The following RBFOX3 variants were observed in gnomAD, a reference collection of about 807,000 sequenced individuals.
RBFOX3 encodes the protein RNA binding fox-1 homolog 3, also known as RNA binding protein fox-1 homolog 3.
Under a neutral mutation model 48.7 loss-of-function variants are expected in RBFOX3, and 17 were observed. That is an observed-to-expected ratio of 0.35 (90% CI 0.24 to 0.52). The LOEUF is 0.52. RBFOX3 is among the 20% of genes least tolerant of loss of function. The probability of loss-of-function intolerance (pLI) is 0.94; values close to 1 mark genes in which losing one functional copy is unlikely to be tolerated. For missense variants in RBFOX3, 382 were observed against 497.5 expected (o/e 0.77, Z 2.21); for synonymous variants, 212 against 209.5 (o/e 1.01, Z -0.10).
chr17:79,600,819 G>A (rs2145337224), intron 1 of RBFOX3: 1 of 152,362 alleles, frequency 6.6e-6, no homozygotes, highest in East Asian at 1.9e-4. Context: ...CCATCAAGCA[G>A]GGCAGGGAGG....
In RBFOX3 at chr17:79,362,941, T is replaced by C. The variant is rs1164592517; in HGVS notation, c.-174-55117A>G. On this transcript the variant is annotated intron_variant, in intron 2 of 14. Coordinates refer to ENST00000693108, the MANE Select transcript of RBFOX3 (RefSeq NM_001350451.2). The surrounding 1 kb of genome is among the most constrained non-coding windows in gnomAD (Gnocchi z 4.2). Reference sequence around the variant, plus strand: ...AATCTATATCCCCAAATGCTGGTGATGTCCTGTCCTGAGTCCAGGACCCCT... The same window carrying C: ...AATCTATATCCCCAAATGCTGGTGACGTCCTGTCCTGAGTCCAGGACCCCT... Among the ~76,000 whole-genome samples the C allele has an allele frequency of 2.0e-5, 3 of 152,226 alleles. No homozygotes were observed. The highest frequency in any genetic ancestry group is 1.9e-4 in the East Asian group (1 of 5,196).
rs946024740 is a variant in RBFOX3, at chr17:79,104,184, G to C, written c.361-58C>G. 18 of 1,373,298 alleles carry C rather than the reference G, an allele frequency of 1.3e-5. No individual in the cohort carries two copies. In the African/African-American group the frequency reaches 1.9e-4, roughly 14 times the overall value. The allele number at this position is 1,373,298 out of a possible 1,614,324, so 85.1% of individuals were successfully genotyped here. A position where few individuals can be genotyped will look rare whatever the true frequency, so the allele number is the denominator to read the frequency against. ...AGACAGGAAAGTGCGGGTTAAGACTGCTGGCCCAGCTGCCCGCTCCACTCC... is the reference window on the plus strand; with the variant it reads ...AGACAGGAAAGTGCGGGTTAAGACTCCTGGCCCAGCTGCCCGCTCCACTCC... On this transcript the variant is annotated intron_variant, in intron 6 of 14. Coordinates refer to ENST00000693108, the MANE Select transcript of RBFOX3 (RefSeq NM_001350451.2).
the RBFOX3 span, among the ~76,000 whole-genome samples, chr17:79,652,340 G>T: frequency 6.6e-6 from 1 of 151,962 alleles, no homozygotes; most frequent in South Asian, 2.1e-4. Context: ...GTCAATAGAA[G>T]TGTTAGAAAA....
chr17:79,530,562 C>T (rs1157472912), intron 1 of RBFOX3, among the ~76,000 whole-genome samples: 2 of 152,160 alleles, frequency 1.3e-5, no homozygotes, highest in African/African-American at 4.8e-5. Flanking sequence ...AGAGGCAGCC[C>T]AGCCCTGCAA....
chr17:79,385,535 G>A (rs976274178), intron 2 of RBFOX3, among the ~76,000 whole-genome samples: 2 of 152,190 alleles, frequency 1.3e-5, no homozygotes, highest in Admixed American at 6.5e-5. Context: ...GCTGCTGGCT[G>A]AGCCTGGTCC....
intron 2 of RBFOX3, among the ~76,000 whole-genome samples, chr17:79,439,828 C>T (rs560876849): frequency 1.2e-4 from 18 of 152,376 alleles, no homozygotes; most frequent in African/African-American, 4.1e-4. Flanking sequence ...GGGAGAGGCA[C>T]AAGCCAACAC....
intron 4 of RBFOX3, among the ~76,000 whole-genome samples, chr17:79,166,252 A>AC (rs11384105): frequency 0.34 from 51,062 of 151,486 alleles, 9,368 homozygotes; most frequent in East Asian, 0.51. Flanking sequence ...TCCCTCCTGC[A>AC]CCCCCCAGCG....
intron 3 of RBFOX3, among the ~76,000 whole-genome samples, chr17:79,237,398 T>G (rs564867772): frequency 6.6e-6 from 1 of 152,016 alleles, no homozygotes; most frequent in Admixed American, 6.6e-5. Context: ...CACTTCTTAC[T>G]CTTCCCATTC....
chr17:79,091,922 C>A, intron 14 of RBFOX3: 1 of 976,340 alleles, frequency 1.0e-6, no homozygotes, highest in Non-Finnish European at 1.2e-6. Context: ...CCACGCGACA[C>A]GCTTGTGACT....
At chr17:79,177,096 G>A (rs567098689) in intron 4 of RBFOX3, among the ~76,000 whole-genome samples, 1 of 152,280 alleles carries the variant, frequency 6.6e-6, no homozygotes, top group East Asian at 1.9e-4. Flanking sequence ...CTGCCCATGG[G>A]ACTGTCTGTC....
chr17:79,378,045 T>C (rs530619971), intron 2 of RBFOX3, among the ~76,000 whole-genome samples: 1 of 152,328 alleles, frequency 6.6e-6, no homozygotes, highest in African/African-American at 2.4e-5. Context: ...ATAATATTTC[T>C]TTATGGAGGA....
chr17:79,202,915 C>G (rs2056976475), intron 4 of RBFOX3, among the ~76,000 whole-genome samples: 2 of 152,174 alleles, frequency 1.3e-5, no homozygotes, highest in Non-Finnish European at 2.9e-5. Flanking sequence ...ATACATGGAG[C>G]CCCGAGGGGC....
At chr17:79,374,050 A>C (rs1185190258) in intron 2 of RBFOX3, among the ~76,000 whole-genome samples, 1 of 151,956 alleles carries the variant, frequency 6.6e-6, no homozygotes, top group Non-Finnish European at 1.5e-5. Context: ...TTTAGTAGAG[A>C]CGGGGTTTCG....
chr17:79,567,701 C>T (rs1407262960), intron 1 of RBFOX3, among the ~76,000 whole-genome samples: 1 of 152,138 alleles, frequency 6.6e-6, no homozygotes, highest in Non-Finnish European at 1.5e-5. Flanking sequence ...ACTCCTTGTC[C>T]GTACCTCTTA....
chr17:79,652,585 AGGAGAGGAGAGGAG>A, the RBFOX3 span, among the ~76,000 whole-genome samples: 1 of 140,542 alleles, frequency 7.1e-6, no homozygotes, highest in Non-Finnish European at 1.5e-5. Context: ...AGGAGAGGAG[AGGAGAGGAGAGGAG>A]AGGAAAGGAA....
At chr17:79,620,439 GCACATGCACACATGCGCACA>G in the RBFOX3 span, among the ~76,000 whole-genome samples, 27 of 134,966 alleles carry the variant, frequency 2.0e-4, no homozygotes, top group Non-Finnish European at 3.4e-4. Flanking sequence ...GTGCACACAT[GCACATGCACACATGCGCACA>G]CACATGCACA....
At chr17:79,170,540 G>T (rs191611125) in intron 4 of RBFOX3, among the ~76,000 whole-genome samples, 1 of 152,072 alleles carries the variant, frequency 6.6e-6, no homozygotes, top group Non-Finnish European at 1.5e-5. Flanking sequence ...CGTCTGCACC[G>T]TCCTGAAGCC....
chr17:79,306,264 C>T (rs937462922), intron 3 of RBFOX3, among the ~76,000 whole-genome samples: 3 of 152,254 alleles, frequency 2.0e-5, no homozygotes, highest in Admixed American at 6.5e-5. Context: ...GGAAAATAAA[C>T]GAGACGGGGC....
At chr17:79,623,582 G>A in the RBFOX3 span, among the ~76,000 whole-genome samples, 1 of 152,170 alleles carries the variant, frequency 6.6e-6, no homozygotes, top group South Asian at 2.1e-4. Context: ...GGAGGCCAAG[G>A]CGGGGTGGAT....
Sources: allele counts gnomAD v4.1 joint callset (sites outside exome capture counted in the v4.1 genomes callset), GRCh38; gene constraint gnomAD v4.1.1; non-coding constraint Gnocchi (gnomAD v3.1); transcripts MANE v1.5; gene names NCBI Gene and HGNC (gene_info 2026-07-23, HGNC 2026-07-21).